CPQ: variants seen among roughly 807,000 people sequenced by gnomAD.
CPQ encodes carboxypeptidase Q.
CPQ carries 37 observed loss-of-function variants against 45.7 expected under a neutral mutation model. The ratio of observed to expected loss-of-function variants is 0.81; its 90% CI spans 0.62 to 1.07. The LOEUF is 1.07. CPQ is among the 50% of genes least tolerant of loss of function. CPQ has a pLI of 0.00. For missense variants in CPQ, 537 were observed against 572.9 expected, an observed-to-expected ratio of 0.94 and a Z score of 0.64; for synonymous variants, 186 against 205.8, an observed-to-expected ratio of 0.90 and a Z score of 0.82.
chr8:96,798,359 G>A (rs773919406), intron 2 of CPQ, among the ~76,000 whole-genome samples: 14 of 151,922 alleles, frequency 9.2e-5, no homozygotes, highest in Non-Finnish European at 2.1e-4. Flanking sequence ...TCTTGAACTC[G>A]AACTCCCAGC....
At chr8:97,009,975 A>C (rs1809455713) in intron 5 of CPQ, among the ~76,000 whole-genome samples, 1 of 152,054 alleles carries the variant, frequency 6.6e-6, no homozygotes, top group Non-Finnish European at 1.5e-5. Flanking sequence ...ACTTTATCTC[A>C]TTCCTTGTTT....
intron 1 of CPQ, among the ~76,000 whole-genome samples, chr8:96,708,314 C>T (rs569288368): frequency 2.6e-5 from 4 of 152,000 alleles, no homozygotes; most frequent in South Asian, 2.1e-4. Context: ...CTAATATATC[C>T]GTAGGTTCCA....
intron 5 of CPQ, among the ~76,000 whole-genome samples, chr8:97,020,966 A>T (rs1193136899): frequency 6.6e-6 from 1 of 152,206 alleles, no homozygotes; most frequent in East Asian, 1.9e-4. Flanking sequence ...AGATGCTAAA[A>T]TCCTTAATAA....
At chr8:96,753,299 T>C (rs886263654) in intron 1 of CPQ, among the ~76,000 whole-genome samples, 14 of 152,160 alleles carry the variant, frequency 9.2e-5, no homozygotes, top group African/African-American at 3.1e-4. Context: ...CACTATTTTG[T>C]ATGTGTTATA....
intron 4 of CPQ, among the ~76,000 whole-genome samples, chr8:96,962,911 A>T (rs549202083): frequency 6.2e-4 from 95 of 152,222 alleles, no homozygotes; most frequent in African/African-American, 2.1e-3. Flanking sequence ...TTTCTGATTT[A>T]AAAAAATATA....
chr8:96,817,596 G>T (rs1811245620), intron 2 of CPQ, among the ~76,000 whole-genome samples: 1 of 151,366 alleles, frequency 6.6e-6, no homozygotes, highest in Non-Finnish European at 1.5e-5. Flanking sequence ...TCACTCACGT[G>T]TTCGCTGGAC....
chr8:96,710,626 TGC>T (rs1353794277), intron 1 of CPQ, among the ~76,000 whole-genome samples: 11 of 152,236 alleles, frequency 7.2e-5, no homozygotes, highest in Admixed American at 1.3e-4. Flanking sequence ...AGGAGCTGAT[TGC>T]TTAATTTCCA....
At chr8:96,703,198 G>A (rs1809490779) in intron 1 of CPQ, among the ~76,000 whole-genome samples, 1 of 152,124 alleles carries the variant, frequency 6.6e-6, no homozygotes, top group South Asian at 2.1e-4. Context: ...CAACTTTATA[G>A]AACATAACTC....
At chr8:96,881,217 G>A (rs1812219365) in intron 4 of CPQ, among the ~76,000 whole-genome samples, 1 of 152,132 alleles carries the variant, frequency 6.6e-6, no homozygotes, top group African/African-American at 2.4e-5. Context: ...TAATTTATAA[G>A]AAAAGAGGTT....
At chr8:96,793,540 G>T (rs1479180224) in intron 2 of CPQ, among the ~76,000 whole-genome samples, 1 of 152,160 alleles carries the variant, frequency 6.6e-6, no homozygotes, top group Non-Finnish European at 1.5e-5. Context: ...GATCAGAGTT[G>T]GGTTGGGACA....
intron 4 of CPQ, among the ~76,000 whole-genome samples, chr8:96,953,797 T>C (rs1813308173): frequency 6.6e-6 from 1 of 152,168 alleles, no homozygotes; most frequent in Non-Finnish European, 1.5e-5. Flanking sequence ...AGTTTCCTGA[T>C]TGTTGCCAGA....
At chr8:96,963,729 T>C (rs547765863) in intron 4 of CPQ, among the ~76,000 whole-genome samples, 1 of 152,302 alleles carries the variant, frequency 6.6e-6, no homozygotes, top group African/African-American at 2.4e-5. Flanking sequence ...CCTAAGTGTA[T>C]ATGGTGAACT....
intron 5 of CPQ, among the ~76,000 whole-genome samples, chr8:97,014,637 A>T (rs1809548889): frequency 6.8e-6 from 1 of 146,686 alleles, no homozygotes; most frequent in Admixed American, 6.8e-5. Context: ...GGGAGACTCC[A>T]TCTCAAAAAA....
At chr8:96,967,518 T>C (rs1813587193) in intron 5 of CPQ, among the ~76,000 whole-genome samples, 1 of 152,208 alleles carries the variant, frequency 6.6e-6, no homozygotes, top group African/African-American at 2.4e-5. Flanking sequence ...TCACTGTTAA[T>C]TGAATTGAAT....
intron 5 of CPQ, among the ~76,000 whole-genome samples, chr8:96,997,906 A>G (rs1809204135): frequency 6.6e-6 from 1 of 152,026 alleles, no homozygotes; most frequent in Non-Finnish European, 1.5e-5. Flanking sequence ...AAAGTGAGCC[A>G]TTTGTTGTAT....
intron 6 of CPQ, among the ~76,000 whole-genome samples, chr8:97,058,747 A>G (rs1251793277): frequency 6.6e-6 from 1 of 152,180 alleles, no homozygotes; most frequent in Non-Finnish European, 1.5e-5. Flanking sequence ...CACTTGACCA[A>G]TACATAGCAT....
At chr8:96,724,526 C>CA (rs1809809820) in intron 1 of CPQ, among the ~76,000 whole-genome samples, 1 of 147,336 alleles carries the variant, frequency 6.8e-6, no homozygotes, top group Non-Finnish European at 1.5e-5. Context: ...CACACACACA[C>CA]CCCTAGGAAT....
chr8:96,707,187 T>A (rs1274089355), intron 1 of CPQ, among the ~76,000 whole-genome samples: 7 of 152,132 alleles, frequency 4.6e-5, no homozygotes, highest in Non-Finnish European at 1.0e-4. Context: ...CAGATCACTG[T>A]TGCTTAGTAG....
At chr8:96,915,047 G>T (rs974206795) in intron 4 of CPQ, among the ~76,000 whole-genome samples, 2 of 152,100 alleles carry the variant, frequency 1.3e-5, no homozygotes, top group Non-Finnish European at 2.9e-5. Flanking sequence ...AGTTTCCAGG[G>T]TTATCCGTTT....
Sources: allele counts gnomAD v4.1 joint callset (sites outside exome capture counted in the v4.1 genomes callset), GRCh38; gene constraint gnomAD v4.1.1; transcripts MANE v1.5; gene names NCBI Gene and HGNC (gene_info 2026-07-23, HGNC 2026-07-21).